The following SLC12A7 variants were observed in gnomAD, a reference collection of about 807,000 sequenced individuals.
SLC12A7 encodes the protein solute carrier family 12 member 7.
A neutral mutation model predicts 120.6 loss-of-function variants in SLC12A7; 100 were observed. That is an observed-to-expected ratio of 0.83 (90% confidence interval 0.71 to 0.98). The LOEUF is 0.98. Ranked by LOEUF, SLC12A7 falls within the 50% of genes least tolerant of loss-of-function variation. The pLI is 0.00. For synonymous variants in SLC12A7, 760 were observed against 678.0 expected (o/e 1.12, Z -1.88); for missense variants, 1,373 against 1,548.1 (o/e 0.89, Z 1.90).
the SLC12A7 span, among the ~76,000 whole-genome samples, chr5:1,129,929 A>G: frequency 2.6e-5 from 4 of 152,046 alleles, no homozygotes; most frequent in Non-Finnish European, 1.5e-5. Flanking sequence ...CCTGACTCCC[A>G]GGTGAGGAGC....
chr5:1,078,105 G>T, intron 11 of SLC12A7, 98 bp from the exon 12 acceptor site: 1 of 1,381,846 alleles, frequency 7.2e-7, no homozygotes, highest in Non-Finnish European at 9.6e-7. Context: ...CCAGTGCAGT[G>T]GGGGCGACTC....
rs376664987 is a variant in SLC12A7 at position 1,073,654 on chromosome 5, C to T, written c.2220G>A (p.Met740Ile). Residue 740 changes from methionine to isoleucine, a missense_variant, in exon 17 of 24, where the codon ATG (methionine) becomes ATA (isoleucine). Met to Ile is a conservative substitution (Grantham distance 10). Coordinates refer to ENST00000264930, the MANE Select transcript of SLC12A7 (RefSeq NM_006598.3). Reference protein sequence around the residue: ...VLEGTYLDKHMEAQRAEENIR... With the variant: ...VLEGTYLDKHIEAQRAEENIR... The stretch of plus-strand genomic sequence containing the variant: ...CCACCTCCTCGGCCCGCTGAGCCTC[C>T]ATGTGCTTGTCCAGGTACGTCCCCT... 14 of 1,604,802 alleles carry T rather than the reference C, an allele frequency of 8.7e-6. No individual in the cohort carries two copies. The highest frequency in any genetic ancestry group is 2.3e-5 in the East Asian group (1 of 43,824).
chr5:1,135,794 G>T, the SLC12A7 span, among the ~76,000 whole-genome samples: 10 of 152,204 alleles, frequency 6.6e-5, no homozygotes, highest in African/African-American at 2.4e-4. Flanking sequence ...CAGGTCTCTT[G>T]CAGAGGAGTG....
chr5:1,130,812 A>C, the SLC12A7 span, among the ~76,000 whole-genome samples: 1 of 152,198 alleles, frequency 6.6e-6, no homozygotes, highest in Non-Finnish European at 1.5e-5. Flanking sequence ...AAAGAGGAGG[A>C]GGCTGAGCTC....
At chr5:1,108,100 G>A (rs1244236271) in intron 1 of SLC12A7, among the ~76,000 whole-genome samples, 1 of 152,174 alleles carries the variant, frequency 6.6e-6, no homozygotes. Context: ...ATGCACACGT[G>A]TGTACATATA....
intron 22 of SLC12A7, among the ~76,000 whole-genome samples, chr5:1,054,809 T>A (rs988115080): frequency 2.0e-5 from 3 of 152,232 alleles, no homozygotes; most frequent in African/African-American, 4.8e-5. Flanking sequence ...GGGAGAGACC[T>A]TCTATCTTCT....
the SLC12A7 span, among the ~76,000 whole-genome samples, chr5:1,135,066 G>T: frequency 2.6e-5 from 4 of 152,106 alleles, no homozygotes; most frequent in Non-Finnish European, 2.9e-5. Context: ...GGCAGAGGCT[G>T]CAGTGAGCCG....
Position 1,078,718 on chromosome 5 carries a change from G to T in SLC12A7, c.1437C>A (p.Gly479=). ...CIVLFGACIE[G]VVLRDKFGEA... ...AAACGTACTTATCTCGTAAGACCAC[G>T]CCTTCAATGCAGGCCCCAAACAGCA... The change falls in exon 11 of 24, where the codon GGC becomes GGA. Residue 479 remains glycine, a synonymous_variant. Coordinates refer to ENST00000264930, the MANE Select transcript of SLC12A7 (RefSeq NM_006598.3). 6.2e-7 allele frequency: 1 copy of T among 1,612,106 alleles called. No individual in the cohort carries two copies.
At chr5:1,094,911 A>G (rs895600981) in intron 1 of SLC12A7, among the ~76,000 whole-genome samples, 3 of 151,608 alleles carry the variant, frequency 2.0e-5, no homozygotes, top group Admixed American at 2.0e-4. Flanking sequence ...CAGCTGCCCG[A>G]GAGCATGAGC....
At chr5:1,079,321 A>G (rs1738732104) in intron 10 of SLC12A7, 77 bp downstream of exon 10, 2 of 1,144,278 alleles carry the variant, frequency 1.7e-6, no homozygotes, top group Non-Finnish European at 2.6e-6. Context: ...CGAGGGTATG[A>G]TGCTGAGCCG....
At chr5:1,134,305 A>C in the SLC12A7 span, among the ~76,000 whole-genome samples, 7 of 152,254 alleles carry the variant, frequency 4.6e-5, no homozygotes, top group African/African-American at 1.7e-4. Context: ...CCCCGTCTCT[A>C]CTAAAAATAC....
chr5:1,057,412 A>T (rs1735732134), intron 22 of SLC12A7, 59 bp downstream of exon 22: 2 of 1,518,754 alleles, frequency 1.3e-6, no homozygotes, highest in Admixed American at 3.8e-5. Flanking sequence ...CTCTGTCCTC[A>T]CTGCCGGGCC....
rs1262477992 is a variant in SLC12A7 at position 1,070,112 on chromosome 5, CG to C, written c.2241+3520del. ...CAGCCCCCAGTGAGCCCCCAGCACA[CG>C]GGCATCACACTTATGCAGCCCCCAG... is the stretch of plus-strand genomic sequence containing the variant. On this transcript the variant is annotated intron_variant, in intron 17 of 23. Transcript: ENST00000264930. Among the ~76,000 whole-genome samples the C allele has an allele frequency of 1.0e-3, 27 of 26,808 alleles. 2 individuals are homozygous for C. Among genetic ancestry groups the C allele is most frequent in the African/African-American group, 5.3e-3 (14 of 2,650 alleles). 17.6% of individuals were successfully genotyped at this position (26,808 alleles called of 152,430 possible).
intron 20 of SLC12A7, among the ~76,000 whole-genome samples, chr5:1,060,997 C>T (rs1258080803): frequency 5.9e-5 from 8 of 135,482 alleles, no homozygotes; most frequent in Admixed American, 2.1e-4. Context: ...CTGCACCTGC[C>T]GTGCAGGATC....
At chr5:1,102,987 C>G (rs1442585547) in intron 1 of SLC12A7, among the ~76,000 whole-genome samples, 2 of 152,202 alleles carry the variant, frequency 1.3e-5, no homozygotes, top group African/African-American at 2.4e-5. Context: ...GTGCCGGGCA[C>G]TGAAATAAAG....
rs11951420 is a variant in SLC12A7, at chr5:1,076,130, G to A, written c.1847+8C>T. 621,710 of 1,602,916 alleles carry A rather than the reference G, an allele frequency of 0.39. 127,071 individuals carry two copies. The highest frequency in any genetic ancestry group is 0.43 in the Non-Finnish European group (500,747 of 1,174,052). ...GGGGCTCCTCACGCCCGTGCTGAGT[G>A]GCCTCACCAGTGGTAGAACTTGAAG... is the stretch of plus-strand genomic sequence containing the variant. On this transcript the variant is annotated splice_region_variant and intron_variant, in intron 14 of 23. Transcript: ENST00000264930.
intron 2 of SLC12A7, 47 bp from the exon 3 acceptor site, chr5:1,093,702 G>A: frequency 6.2e-7 from 1 of 1,604,320 alleles, no homozygotes; most frequent in Non-Finnish European, 8.5e-7. Context: ...CTCGCCGTGG[G>A]CCCCCCGACC....
chr5:1,051,036 C>G lies in SLC12A7; in HGVS notation c.*1324G>C, dbSNP rs953968553. The G allele has an allele frequency of 2.8e-5, 11 of 398,154 alleles. No individual in the cohort carries two copies. The highest frequency in any genetic ancestry group is 4.9e-5 in the Non-Finnish European group (11 of 225,978). 24.7% of individuals were successfully genotyped at this position (398,154 alleles called of 1,614,324 possible). On this transcript the variant is annotated 3_prime_UTR_variant, in exon 24 of 24. Coordinates refer to ENST00000264930, the MANE Select transcript of SLC12A7 (RefSeq NM_006598.3). ...GGACAACCTTGTTACCACGTAACTCCCTGGGGTGTTTAAATAAATAAATAT... is the reference window on the plus strand; with the variant it reads ...GGACAACCTTGTTACCACGTAACTCGCTGGGGTGTTTAAATAAATAAATAT...
intron 3 of SLC12A7, among the ~76,000 whole-genome samples, chr5:1,089,660 A>G (rs896530697): frequency 1.3e-5 from 2 of 151,992 alleles, no homozygotes; most frequent in South Asian, 2.1e-4. Context: ...TCACCACGAG[A>G]TAACAGCAAA....
Sources: allele counts gnomAD v4.1 joint callset (sites outside exome capture counted in the v4.1 genomes callset), GRCh38; gene constraint gnomAD v4.1.1; transcripts MANE v1.5; gene names NCBI Gene and HGNC (gene_info 2026-07-23, HGNC 2026-07-21).